MACROD2: variants seen among roughly 807,000 people sequenced by gnomAD.
MACROD2 encodes mono-ADP ribosylhydrolase 2.
MACROD2 carries 36 observed loss-of-function variants against 70.4 expected under a neutral mutation model. The observed-to-expected ratio is 0.51, with a 90% CI of 0.39 to 0.68. The LOEUF (loss-of-function observed/expected upper bound fraction) is 0.68, where lower values mean the gene tolerates loss of function less well. Ranked by LOEUF, MACROD2 falls within the 30% of genes least tolerant of loss-of-function variation. The pLI is 0.00. For missense variants in MACROD2, 496 were observed against 538.4 expected (o/e 0.92, Z 0.78); for synonymous variants, 172 against 178.8 (o/e 0.96, Z 0.30).
chr20:14,583,781 G>C (rs1173524716), intron 4 of MACROD2, among the ~76,000 whole-genome samples: 1 of 152,206 alleles, frequency 6.6e-6, no homozygotes, highest in African/African-American at 2.4e-5. Flanking sequence ...TTAAGAGATA[G>C]ACAAATATAA....
At chr20:15,259,350 G>A (rs74878657) in intron 6 of MACROD2, among the ~76,000 whole-genome samples, 1 of 151,898 alleles carries the variant, frequency 6.6e-6, no homozygotes, top group Non-Finnish European at 1.5e-5. Flanking sequence ...GACAAAATGT[G>A]GGGGGAGCTG....
chr20:14,227,137 G>T (rs1406142469), intron 3 of MACROD2, among the ~76,000 whole-genome samples: 1 of 152,132 alleles, frequency 6.6e-6, no homozygotes, highest in African/African-American at 2.4e-5. Flanking sequence ...TAGCTACTCT[G>T]GTGGGGCCTT....
chr20:14,241,371 C>T (rs930383936), intron 3 of MACROD2, among the ~76,000 whole-genome samples: 5 of 152,178 alleles, frequency 3.3e-5, no homozygotes, highest in African/African-American at 7.2e-5. Context: ...GTATGATTTT[C>T]ATTCAGATTG....
chr20:15,604,641 A>C (rs961558273), intron 8 of MACROD2, among the ~76,000 whole-genome samples: 2 of 152,170 alleles, frequency 1.3e-5, no homozygotes, highest in Non-Finnish European at 2.9e-5. Flanking sequence ...TTAACTTCCC[A>C]AGAATGCCAC....
intron 8 of MACROD2, among the ~76,000 whole-genome samples, chr20:15,574,853 G>A (rs1178583801): frequency 6.6e-6 from 1 of 152,160 alleles, no homozygotes; most frequent in African/African-American, 2.4e-5. Flanking sequence ...TCTTTTGCTA[G>A]TCGCTTCATT....
chr20:15,225,400 A>G (rs936263253), intron 5 of MACROD2, among the ~76,000 whole-genome samples: 7 of 152,214 alleles, frequency 4.6e-5, no homozygotes, highest in African/African-American at 1.2e-4. Context: ...TTGAATAGCT[A>G]ATGTATTCAC....
chr20:14,986,295 CT>C (rs2074848134), intron 5 of MACROD2, among the ~76,000 whole-genome samples: 1 of 152,076 alleles, frequency 6.6e-6, no homozygotes, highest in Non-Finnish European at 1.5e-5. Flanking sequence ...TCAGGCATTT[CT>C]TTATGACCCC....
intron 7 of MACROD2, among the ~76,000 whole-genome samples, chr20:15,457,526 C>G (rs549027519): frequency 6.6e-6 from 1 of 152,024 alleles, no homozygotes; most frequent in Non-Finnish European, 1.5e-5. Context: ...GAATGAGGAG[C>G]CTCATTCACT....
chr20:14,364,598 T>C (rs2083255192), intron 3 of MACROD2, among the ~76,000 whole-genome samples: 1 of 152,208 alleles, frequency 6.6e-6, no homozygotes, highest in Non-Finnish European at 1.5e-5. Context: ...TTACTCCCTA[T>C]TTTCCCTGGT....
chr20:14,012,600 T>C (rs1217744806), intron 2 of MACROD2, among the ~76,000 whole-genome samples: 1 of 152,234 alleles, frequency 6.6e-6, no homozygotes, highest in Non-Finnish European at 1.5e-5. Context: ...CAGCTTTTTC[T>C]TTTAACGTCA....
chr20:14,298,808 A>G (rs1334307662), intron 3 of MACROD2, among the ~76,000 whole-genome samples: 1 of 149,108 alleles, frequency 6.7e-6, no homozygotes, highest in Non-Finnish European at 1.5e-5. Context: ...CAGGGGAGAA[A>G]GTCACTGAAG....
intron 4 of MACROD2, among the ~76,000 whole-genome samples, chr20:14,659,397 C>T (rs563451800): frequency 3.3e-5 from 5 of 152,218 alleles, no homozygotes; most frequent in African/African-American, 1.2e-4. Flanking sequence ...ATAATAATGT[C>T]AGTTCTCCTC....
intron 5 of MACROD2, among the ~76,000 whole-genome samples, chr20:14,984,028 A>T (rs916449427): frequency 2.6e-5 from 4 of 152,158 alleles, no homozygotes; most frequent in African/African-American, 9.7e-5. Flanking sequence ...CCCTCCTGCT[A>T]TTAAGGTTAG....
At chr20:15,850,712 G>A (rs1005677266) in intron 8 of MACROD2, among the ~76,000 whole-genome samples, 9 of 152,180 alleles carry the variant, frequency 5.9e-5, no homozygotes, top group African/African-American at 1.9e-4. Context: ...GTCACTGCAC[G>A]GTTGCCCTCG....
At chr20:14,110,029 T>A (rs998768834) in intron 3 of MACROD2, among the ~76,000 whole-genome samples, 2 of 151,936 alleles carry the variant, frequency 1.3e-5, no homozygotes, top group Non-Finnish European at 2.9e-5. Flanking sequence ...CCATTTATCA[T>A]GACCAAGTGG....
At chr20:14,155,844 A>C (rs1158464598) in intron 3 of MACROD2, among the ~76,000 whole-genome samples, 1 of 152,172 alleles carries the variant, frequency 6.6e-6, no homozygotes. Context: ...TTTAATTATA[A>C]ATATCAGTTT....
In MACROD2 at chr20:13,995,849, G is replaced by GGGGGGGGGGGGGGGT; in HGVS notation, c.46+41_46+42insGGGGGGGGGGGGGTG. ...GAGTCCTGGGGGTGCGGGCGGTGGG[G>GGGGGGGGGGGGGGGT]GTTAGGGTGGGGGCGGGGGTCAGGC... is the stretch of plus-strand genomic sequence containing the variant. On this transcript the variant is annotated intron_variant, in intron 1 of 17. Coordinates refer to ENST00000684519, the MANE Select transcript of MACROD2 (RefSeq NM_001351661.2). This position sits in a 1 kb window ranked among gnomAD's most constrained non-coding sequence, Gnocchi z 4.3. 1 of 1,312,110 alleles carries GGGGGGGGGGGGGGGT rather than the reference G, an allele frequency of 7.6e-7. No individual in the cohort carries two copies. Among genetic ancestry groups the GGGGGGGGGGGGGGGT allele is most frequent in the Non-Finnish European group, 1.1e-6 (1 of 938,804 alleles). The allele number at this position is 1,312,110 out of a possible 1,614,324, so 81.3% of individuals were successfully genotyped here. A position where few individuals can be genotyped will look rare whatever the true frequency, so the allele number is the denominator to read the frequency against.
At chr20:15,659,252 G>C (rs1176732870) in intron 8 of MACROD2, among the ~76,000 whole-genome samples, 1 of 145,912 alleles carries the variant, frequency 6.9e-6, no homozygotes, top group Non-Finnish European at 1.5e-5. Context: ...TATTGTCTGT[G>C]TGCATGCCTG....
At chr20:14,714,157 C>T (rs954386858) in intron 5 of MACROD2, among the ~76,000 whole-genome samples, 1 of 152,076 alleles carries the variant, frequency 6.6e-6, no homozygotes, top group African/African-American at 2.4e-5. Context: ...AGCCTGTTGC[C>T]ATGGGTACGT....
Sources: allele counts gnomAD v4.1 joint callset (sites outside exome capture counted in the v4.1 genomes callset), GRCh38; gene constraint gnomAD v4.1.1; non-coding constraint Gnocchi (gnomAD v3.1); transcripts MANE v1.5; gene names NCBI Gene and HGNC (gene_info 2026-07-23, HGNC 2026-07-21).